The following GRID2 variants were observed in gnomAD, a reference collection of about 807,000 sequenced individuals.
The protein encoded by GRID2 is glutamate ionotropic receptor delta type subunit 2.
GRID2 carries 33 observed loss-of-function variants against 114.8 expected under a neutral mutation model. The observed-to-expected ratio is 0.29, with a 90% CI of 0.22 to 0.38. The LOEUF is 0.38. Among genes scored for constraint, GRID2 ranks in the 10% least tolerant of loss-of-function variants. GRID2 has a pLI of 1.00. For missense variants in GRID2, 1,184 were observed against 1,257.7 expected (o/e 0.94, Z 0.89); for synonymous variants, 505 against 449.9 (o/e 1.12, Z -1.55).
At chr4:92,493,673 C>G (rs1354974392) in intron 1 of GRID2, among the ~76,000 whole-genome samples, 1 of 152,034 alleles carries the variant, frequency 6.6e-6, no homozygotes, top group Non-Finnish European at 1.5e-5. Context: ...TCATTGACTC[C>G]CGTTGGCCTT....
chr4:93,081,794 T>C (rs956661864), intron 2 of GRID2, among the ~76,000 whole-genome samples: 3 of 152,204 alleles, frequency 2.0e-5, no homozygotes, highest in East Asian at 1.9e-4. Flanking sequence ...GTTCTCATAC[T>C]ATATCAAATG....
intron 10 of GRID2, among the ~76,000 whole-genome samples, chr4:93,443,886 CA>C (rs1311131594): frequency 6.6e-6 from 1 of 151,052 alleles, no homozygotes; most frequent in Non-Finnish European, 1.5e-5. Flanking sequence ...AAAGAACAAG[CA>C]GAGCAAGTAA....
chr4:93,510,734 A>C (rs1281970884), intron 12 of GRID2, among the ~76,000 whole-genome samples: 1 of 152,108 alleles, frequency 6.6e-6, no homozygotes, highest in Non-Finnish European at 1.5e-5. Context: ...AAAAAATACC[A>C]ATAGAAATTA....
rs545437873 is a variant in GRID2 at position 92,735,845 on chromosome 4, A to G, written c.244+145559A>G. Among the ~76,000 whole-genome samples the G allele has an allele frequency of 6.6e-5, 10 of 152,200 alleles. 1 individual carries two copies. The South Asian group carries it at 1.9e-3, about 28-fold the overall frequency. On this transcript the variant is annotated intron_variant, in intron 2 of 15. Transcript: ENST00000282020. ...CTCAACTAATAATCAATGAAGCCAT[A>G]TAAGTTTGGATCTTGAGGTCACATG...
chr4:92,415,000 G>A (rs992164883), intron 1 of GRID2, among the ~76,000 whole-genome samples: 2 of 151,964 alleles, frequency 1.3e-5, no homozygotes, highest in African/African-American at 4.8e-5. Context: ...GTCAGAGCAT[G>A]CTTTTCACCC....
chr4:93,363,238 T>C (rs1762037029), intron 8 of GRID2, among the ~76,000 whole-genome samples: 1 of 151,994 alleles, frequency 6.6e-6, no homozygotes, highest in South Asian at 2.1e-4. Flanking sequence ...CAAAAATTTC[T>C]TACCTACTTT....
At chr4:92,726,122 G>A (rs796707609) in intron 2 of GRID2, among the ~76,000 whole-genome samples, 1 of 152,208 alleles carries the variant, frequency 6.6e-6, no homozygotes, top group African/African-American at 2.4e-5. Context: ...CTTCCATTTT[G>A]CCTGTTTACC....
At chr4:92,646,652 TATGACTA>T in intron 2 of GRID2, among the ~76,000 whole-genome samples, 2 of 152,232 alleles carry the variant, frequency 1.3e-5, no homozygotes, top group Admixed American at 1.3e-4. Flanking sequence ...GATTTGTTAT[TATGACTA>T]TTAAAATGTA....
At chr4:92,384,568 A>ATATT (rs1729813274) in intron 1 of GRID2, among the ~76,000 whole-genome samples, 1 of 72,282 alleles carries the variant, frequency 1.4e-5, no homozygotes, top group African/African-American at 7.2e-5. Context: ...TATATAATAT[A>ATATT]ATATATAAAA....
intron 1 of GRID2, among the ~76,000 whole-genome samples, chr4:92,395,369 T>C (rs1426561638): frequency 2.6e-5 from 4 of 151,638 alleles, no homozygotes; most frequent in Non-Finnish European, 5.9e-5. Flanking sequence ...ATATATAAAA[T>C]AAAATATTAT....
intron 10 of GRID2, among the ~76,000 whole-genome samples, chr4:93,444,609 G>T (rs969705198): frequency 2.0e-5 from 3 of 151,914 alleles, no homozygotes; most frequent in East Asian, 1.9e-4. Flanking sequence ...ATTCAAAAAA[G>T]TCCTTCAAAG....
chr4:92,532,562 G>C (rs1006740397), intron 1 of GRID2, among the ~76,000 whole-genome samples: 2 of 152,028 alleles, frequency 1.3e-5, no homozygotes, highest in African/African-American at 4.8e-5. Flanking sequence ...ATTCAATTAT[G>C]TTTATAATTG....
intron 8 of GRID2, among the ~76,000 whole-genome samples, chr4:93,337,344 T>G (rs1159362959): frequency 6.6e-6 from 1 of 152,196 alleles, no homozygotes; most frequent in African/African-American, 2.4e-5. Context: ...GGCACAAGTT[T>G]CATGTTTGCT....
intron 8 of GRID2, among the ~76,000 whole-genome samples, chr4:93,394,879 T>TA (rs1765184747): frequency 6.6e-6 from 1 of 152,006 alleles, no homozygotes; most frequent in Non-Finnish European, 1.5e-5. Flanking sequence ...CATCAATTTT[T>TA]ATCCCATTCA....
chr4:92,466,432 G>T (rs1400613680), intron 1 of GRID2, among the ~76,000 whole-genome samples: 1 of 151,628 alleles, frequency 6.6e-6, no homozygotes, highest in African/African-American at 2.4e-5. Flanking sequence ...CTACGTCCAT[G>T]ACTTCAATTG....
At chr4:92,528,775 G>A (rs1408576369) in intron 1 of GRID2, among the ~76,000 whole-genome samples, 1 of 145,020 alleles carries the variant, frequency 6.9e-6, no homozygotes, top group Non-Finnish European at 1.5e-5. Flanking sequence ...CTCTGAACAT[G>A]CTCCACTAAA....
chr4:92,686,237 T>C (rs1733900004), intron 2 of GRID2, among the ~76,000 whole-genome samples: 2 of 152,008 alleles, frequency 1.3e-5, no homozygotes, highest in South Asian at 2.1e-4. Flanking sequence ...ATTGGCCCCA[T>C]AGAGAAAGCA....
chr4:93,418,379 A>G (rs913783208), intron 9 of GRID2, among the ~76,000 whole-genome samples: 8 of 152,016 alleles, frequency 5.3e-5, no homozygotes, highest in African/African-American at 1.9e-4. Flanking sequence ...TGACTCAGTC[A>G]TATGTTAACT....
chr4:93,115,001 A>G (rs80271487), intron 4 of GRID2, among the ~76,000 whole-genome samples: 305 of 152,232 alleles, frequency 2.0e-3, no homozygotes, highest in African/African-American at 6.9e-3. Context: ...AATTTCACAG[A>G]TAAGTTGTGT....
Sources: allele counts gnomAD v4.1 joint callset (sites outside exome capture counted in the v4.1 genomes callset), GRCh38; gene constraint gnomAD v4.1.1; transcripts MANE v1.5; gene names NCBI Gene and HGNC (gene_info 2026-07-23, HGNC 2026-07-21).